BRIP1: variants seen among roughly 807,000 people sequenced by gnomAD.
BRIP1 encodes the protein BRCA1 interacting DNA helicase 1.
A neutral mutation model predicts 119.7 loss-of-function variants in BRIP1; 88 were observed. That is an observed-to-expected ratio of 0.74 (90% CI 0.62 to 0.88). The LOEUF (loss-of-function observed/expected upper bound fraction) is 0.88, where lower values mean the gene tolerates loss of function less well. Ranked by LOEUF, BRIP1 falls within the 40% of genes least tolerant of loss-of-function variation. The probability of loss-of-function intolerance (pLI) is 0.00; values close to 1 mark genes in which losing one functional copy is unlikely to be tolerated. For synonymous variants in BRIP1, 443 were observed against 496.5 expected (o/e 0.89, Z 1.43); for missense variants, 1,259 against 1,455.4 (o/e 0.87, Z 2.20).
In BRIP1 at chr17:61,851,211, G is replaced by A. The variant is rs575960719; in HGVS notation, c.380-1955C>T. Among the ~76,000 whole-genome samples, 15 of 152,096 alleles carry A rather than the reference G, an allele frequency of 9.9e-5. No individual in the cohort carries two copies. In the South Asian group the frequency reaches 3.1e-3, roughly 32 times the overall value. On this transcript the variant is annotated intron_variant, in intron 4 of 19. Transcript: ENST00000259008. This position sits in a 1 kb window ranked among gnomAD's most constrained non-coding sequence, Gnocchi z 4.6. ...CCACTGCACTCCAGCCTAGGTGACA[G>A]AACGAGACTCCATCTCAAAAAAAGA...
intron 14 of BRIP1, among the ~76,000 whole-genome samples, chr17:61,766,583 C>A (rs1345785892): frequency 6.6e-6 from 1 of 152,024 alleles, no homozygotes; most frequent in Non-Finnish European, 1.5e-5. Flanking sequence ...AAAATGAGAA[C>A]CAAAACAAAC....
At chr17:61,714,968 C>T (rs2061837864) in intron 17 of BRIP1, among the ~76,000 whole-genome samples, 1 of 151,582 alleles carries the variant, frequency 6.6e-6, no homozygotes. Flanking sequence ...GGGAAGCTGA[C>T]GTGAGTGGAT....
At position 61,695,617 on chromosome 17, in the gene BRIP1, C is replaced by T. The variant is rs1439281279; in HGVS notation, c.2493-2105G>A. Among the ~76,000 whole-genome samples, 11 of 152,144 alleles carry T rather than the reference C, an allele frequency of 7.2e-5. No individual in the cohort carries two copies. The highest frequency in any genetic ancestry group is 1.2e-4 in the Non-Finnish European group (8 of 67,956). ...AATGATAAGTCTTCTAATCCATGAA[C>T]GTGGGATTCTTTCCATTTATTTAGA... On this transcript the variant is annotated intron_variant, in intron 17 of 19. Coordinates refer to ENST00000259008, the MANE Select transcript of BRIP1 (RefSeq NM_032043.3). This position sits in a 1 kb window ranked among gnomAD's most constrained non-coding sequence, Gnocchi z 4.3.
rs534427581 is a variant in BRIP1 at position 61,842,726 on chromosome 17, C to T, written c.627+4375G>A. Among the ~76,000 whole-genome samples the T allele has an allele frequency of 6.6e-6, 1 of 152,322 alleles. No individual in the cohort carries two copies. Among genetic ancestry groups the T allele is most frequent in the East Asian group, 1.9e-4 (1 of 5,192 alleles). ...TCTGCTGCTGTTACTACTACTACAGCTGCTGCTACTTCTACTACCACTTGG... is the reference window on the plus strand; with the variant it reads ...TCTGCTGCTGTTACTACTACTACAGTTGCTGCTACTTCTACTACCACTTGG... On this transcript the variant is annotated intron_variant, in intron 6 of 19. Transcript: ENST00000259008. This position sits in a 1 kb window ranked among gnomAD's most constrained non-coding sequence, Gnocchi z 5.1.
At position 61,786,546 on chromosome 17, in the gene BRIP1, A is replaced by G. The variant is rs558716719; in HGVS notation, c.1474-2122T>C. 2.0e-5 allele frequency among the ~76,000 whole-genome samples: 3 copies of G among 149,378 alleles called. No individual in the cohort carries two copies. In the South Asian group the frequency reaches 6.3e-4, roughly 31 times the overall value. On this transcript the variant is annotated intron_variant, in intron 10 of 19. Coordinates refer to ENST00000259008, the MANE Select transcript of BRIP1 (RefSeq NM_032043.3). The stretch of plus-strand genomic sequence containing the variant: ...ATGAATGTCTTAGCCAACTAGAATT[A>G]GGGCAAATTTCCTTAATCCAATAAA...
Position 61,841,446 on chromosome 17 carries a change from A to G in BRIP1, c.627+5655T>C, listed in dbSNP as rs1232092910. ...ATAAAGCCAACAAGAACATGAAAAA[A>G]TGCTGAACATCACTAATCATCAGGG... On this transcript the variant is annotated intron_variant, in intron 6 of 19. Transcript: ENST00000259008. The surrounding 1 kb of genome is among the most constrained non-coding windows in gnomAD (Gnocchi z 4.1). Among the ~76,000 whole-genome samples, 1 of 152,210 alleles carries G rather than the reference A, an allele frequency of 6.6e-6. No homozygotes were observed. Among genetic ancestry groups the G allele is most frequent in the Non-Finnish European group, 1.5e-5 (1 of 68,034 alleles).
At position 61,724,597 on chromosome 17, in the gene BRIP1, A is replaced by G. The variant is rs1327498333; in HGVS notation, c.2380-8534T>C. On this transcript the variant is annotated intron_variant, in intron 16 of 19. Coordinates refer to ENST00000259008, the MANE Select transcript of BRIP1 (RefSeq NM_032043.3). The surrounding 1 kb of genome is among the most constrained non-coding windows in gnomAD (Gnocchi z 5.1). ...TCTCTTCATTTTACTGCTGCTTCAC[A>G]TGAAAGATGGTGGATTTTATCCCAA... 1.3e-5 allele frequency among the ~76,000 whole-genome samples: 2 copies of G among 152,198 alleles called. No individual in the cohort carries two copies. The highest frequency in any genetic ancestry group is 1.3e-4 in the Admixed American group (2 of 15,278).
chr17:61,685,338 TTAAAA>T (rs1041511159), intron 19 of BRIP1: 1 of 153,456 alleles, frequency 6.5e-6, no homozygotes, highest in African/African-American at 2.4e-5. Flanking sequence ...TTTTCATCAC[TTAAAA>T]TAAATGTCTC....
Position 61,862,437 on chromosome 17 carries a change from TGAAAATTAGCCAG to T in BRIP1, c.-31+834_-31+846del, listed in dbSNP as rs1567878813. ...TACTACTTACCTGACAGGGTTTTTA[TGAAAATTAGCCAG>T]GGCAGAATGTACCTAACCCAGGATC... On this transcript the variant is annotated intron_variant, in intron 1 of 19. Transcript: ENST00000259008. The surrounding 1 kb of genome is among the most constrained non-coding windows in gnomAD (Gnocchi z 5.3). 6.6e-6 allele frequency among the ~76,000 whole-genome samples: 1 copy of T among 152,096 alleles called. No individual in the cohort carries two copies. The highest frequency in any genetic ancestry group is 1.5e-5 in the Non-Finnish European group (1 of 68,032).
rs587778134 is a variant in BRIP1 at position 61,776,458 on chromosome 17, C to CAA, written c.2038_2039dup (p.Leu680PhefsTer9). On this transcript the variant is annotated frameshift_variant, in exon 14 of 20. Coordinates refer to ENST00000259008, the MANE Select transcript of BRIP1 (RefSeq NM_032043.3). LOFTEE classifies it high-confidence loss of function. This position sits in a 1 kb window ranked among gnomAD's most constrained non-coding sequence, Gnocchi z 5.0. The stretch of plus-strand genomic sequence containing the variant: ...GGCTCACAGTCTGGCACACAGATAA[C>CAA]AAAAGTGCTCCCACTTCATCTTGGA... The CAA allele has an allele frequency of 5.6e-6, 9 of 1,613,990 alleles. No homozygotes were observed. The highest frequency in any genetic ancestry group is 1.3e-5 in the African/African-American group (1 of 74,920).
chr17:61,849,643 C>T (rs1054270032), intron 4 of BRIP1, among the ~76,000 whole-genome samples: 3 of 152,172 alleles, frequency 2.0e-5, no homozygotes, highest in African/African-American at 7.2e-5. Flanking sequence ...TAGAGCAAAA[C>T]CATTGATTAT....
rs1226603877 is a variant in BRIP1 at position 61,825,166 on chromosome 17, T to C, written c.628-16409A>G. Among the ~76,000 whole-genome samples, 1 of 151,906 alleles carries C rather than the reference T, an allele frequency of 6.6e-6. No individual in the cohort carries two copies. The highest frequency in any genetic ancestry group is 1.5e-5 in the Non-Finnish European group (1 of 67,976). On this transcript the variant is annotated intron_variant, in intron 6 of 19. Coordinates refer to ENST00000259008, the MANE Select transcript of BRIP1 (RefSeq NM_032043.3). The surrounding 1 kb of genome is among the most constrained non-coding windows in gnomAD (Gnocchi z 4.1). ...TGGGCAAGGTGGCGGGCACCTGTAG[T>C]CTCAGCTACTAGGGAGGCTGAGGCA...
At position 61,701,365 on chromosome 17, in the gene BRIP1, T is replaced by A. The variant is rs140434869; in HGVS notation, c.2493-7853A>T. On this transcript the variant is annotated intron_variant, in intron 17 of 19. Coordinates refer to ENST00000259008, the MANE Select transcript of BRIP1 (RefSeq NM_032043.3). This position sits in a 1 kb window ranked among gnomAD's most constrained non-coding sequence, Gnocchi z 5.1. The stretch of plus-strand genomic sequence containing the variant: ...ATTGTCATGTGTGGTCATTGAAGAC[T>A]GCTCGATTAACTTAGTAGTCAGCTA... 2.5e-4 allele frequency among the ~76,000 whole-genome samples: 38 copies of A among 152,354 alleles called. 1 individual carries two copies. The highest frequency in any genetic ancestry group is 2.0e-3 in the Admixed American group (31 of 15,302).
At chr17:61,741,449 G>A (rs1487984899) in intron 16 of BRIP1, among the ~76,000 whole-genome samples, 4 of 152,110 alleles carry the variant, frequency 2.6e-5, no homozygotes, top group Non-Finnish European at 2.9e-5. Context: ...GTTTTTAATC[G>A]ACTGTGTCCA....
rs768955069 is a variant in BRIP1, at chr17:61,810,283, G to T, written c.628-1526C>A. On this transcript the variant is annotated intron_variant, in intron 6 of 19. Transcript: ENST00000259008. The surrounding 1 kb of genome is among the most constrained non-coding windows in gnomAD (Gnocchi z 4.7). ...GGGGCTCTTGTCAACAGTGAGGCAG[G>T]AAACAGCTGACATGTGGTTTATGTT... Among the ~76,000 whole-genome samples the T allele has an allele frequency of 2.0e-5, 3 of 152,180 alleles. No individual in the cohort carries two copies. Among genetic ancestry groups the T allele is most frequent in the Non-Finnish European group, 4.4e-5 (3 of 68,028 alleles).
chr17:61,683,664 C>T lies in BRIP1; in HGVS notation c.3382G>A (p.Glu1128Lys), dbSNP rs45552539. The T allele has an allele frequency of 1.2e-6, 2 of 1,613,314 alleles. No homozygotes were observed. Among genetic ancestry groups the T allele is most frequent in the Non-Finnish European group, 1.7e-6 (2 of 1,179,990 alleles). The change falls in exon 20 of 20, where the codon GAA becomes AAA. Residue 1128 changes from glutamate (E) to lysine (K), a missense_variant. This residue lies in a region of BRIP1 where 753 missense variants were observed against 891.8 expected (regional missense o/e 0.84). Transcript: ENST00000259008. This position sits in a 1 kb window ranked among gnomAD's most constrained non-coding sequence, Gnocchi z 4.7. The stretch of plus-strand genomic sequence containing the variant: ...AGTTCAGGTGTAAAATAGATAGATT[C>T]ATCTTCTGCTTCTGTTTCAAAATCT... ...NRDFETEAED[E>K]SIYFTPELYD...
chr17:61,821,313 C>T (rs2078320607), intron 6 of BRIP1, among the ~76,000 whole-genome samples: 1 of 151,556 alleles, frequency 6.6e-6, no homozygotes, highest in Non-Finnish European at 1.5e-5. Context: ...AGGTACTTTC[C>T]ATTCTTTAAC....
In BRIP1 at chr17:61,815,506, TAA is replaced by T. The variant is rs1013041765; in HGVS notation, c.628-6751_628-6750del. On this transcript the variant is annotated intron_variant, in intron 6 of 19. Coordinates refer to ENST00000259008, the MANE Select transcript of BRIP1 (RefSeq NM_032043.3). The surrounding 1 kb of genome is among the most constrained non-coding windows in gnomAD (Gnocchi z 4.1). ...ATAAACAACAGCCAAGAGAATTTCA[TAA>T]AGTTTCCTCCACTGCTTCTGAACTC... 1.3e-5 allele frequency among the ~76,000 whole-genome samples: 2 copies of T among 152,200 alleles called. No individual in the cohort carries two copies. The highest frequency in any genetic ancestry group is 2.4e-5 in the African/African-American group (1 of 41,466).
rs565102402 is a variant in BRIP1, at chr17:61,731,038, A to G, written c.2379+11975T>C. 5.3e-5 allele frequency among the ~76,000 whole-genome samples: 8 copies of G among 151,930 alleles called. No homozygotes were observed. In the East Asian group the frequency reaches 1.5e-3, roughly 29 times the overall value. On this transcript the variant is annotated intron_variant, in intron 16 of 19. Coordinates refer to ENST00000259008, the MANE Select transcript of BRIP1 (RefSeq NM_032043.3). Reference sequence around the variant, plus strand: ...TTTTAATTTTGGAATTTCAAGATATACTTAGAAACTGCTTTCAAAATACTT... The same window carrying G: ...TTTTAATTTTGGAATTTCAAGATATGCTTAGAAACTGCTTTCAAAATACTT...
Sources: allele counts gnomAD v4.1 joint callset (sites outside exome capture counted in the v4.1 genomes callset), GRCh38; gene constraint gnomAD v4.1.1; regional missense constraint gnomAD v4.1.1; non-coding constraint Gnocchi (gnomAD v3.1); transcripts MANE v1.5; gene names NCBI Gene and HGNC (gene_info 2026-07-23, HGNC 2026-07-21).